Variants in STIL observed in about 807,000 individuals in gnomAD.
The protein encoded by STIL is STIL centriolar assembly protein.
Under a neutral mutation model 110.1 loss-of-function variants are expected in STIL, and 55 were observed. The ratio of observed to expected loss-of-function variants is 0.50; its 90% CI spans 0.40 to 0.63. STIL has a LOEUF of 0.63. Ranked by LOEUF, STIL falls within the 20% of genes least tolerant of loss-of-function variation. The pLI is 0.00. For synonymous variants in STIL, 481 were observed against 530.0 expected (o/e 0.91, Z 1.27); for missense variants, 1,358 against 1,530.0 (o/e 0.89, Z 1.87).
At position 47,260,417 on chromosome 1, in the gene STIL, T is replaced by C. The variant is rs766541847; in HGVS notation, c.2952A>G (p.Thr984=). The change falls in exon 16 of 17, where the codon ACA becomes ACG. Residue 984 remains threonine, a synonymous_variant. Coordinates refer to ENST00000371877, the MANE Select transcript of STIL (RefSeq NM_001048166.1). ...CTTTGTCCACCAGTCTTGAATGATGTGTTTTTTTCTTTGTATGGTAAACGT... is the reference window on the plus strand; with the variant it reads ...CTTTGTCCACCAGTCTTGAATGATGCGTTTTTTTCTTTGTATGGTAAACGT... ...TQNVYHTKKK[T]HHSRLVDKDC... 1 of 1,614,234 alleles carries C rather than the reference T, an allele frequency of 6.2e-7. No individual in the cohort carries two copies. Among genetic ancestry groups the C allele is most frequent in the Non-Finnish European group, 8.5e-7 (1 of 1,180,036 alleles).
intron 14 of STIL, among the ~76,000 whole-genome samples, chr1:47,265,637 C>T (rs189174545): frequency 4.6e-5 from 7 of 151,916 alleles, no homozygotes; most frequent in East Asian, 1.9e-4. Flanking sequence ...AAAACTTAGC[C>T]GGGCATAGTG....
Position 47,310,320 on chromosome 1 carries a change from G to C in STIL, c.-1C>G, listed in dbSNP as rs796462906. On this transcript the variant is annotated 5_prime_UTR_variant, in exon 2 of 17. The change creates a new upstream start codon in the 5' untranslated region. Transcript: ENST00000371877. ...GTGCAAAAGGATATATAGGCTCCAT[G>C]ATGTCTGGTGAATGATTTCTTTAAT... 2 of 1,612,588 alleles carry C rather than the reference G, an allele frequency of 1.2e-6. No homozygotes were observed. The highest frequency in any genetic ancestry group is 2.7e-5 in the African/African-American group (2 of 75,020).
Position 47,250,947 on chromosome 1 carries a change from C to G in STIL, c.*189G>C, listed in dbSNP as rs1644166836. ...AAGGTTTCAGTGATGTTGAACAGCTCTATTTGAACAATGAGAACTTAGTCC... is the reference window on the plus strand; with the variant it reads ...AAGGTTTCAGTGATGTTGAACAGCTGTATTTGAACAATGAGAACTTAGTCC... On this transcript the variant is annotated 3_prime_UTR_variant, in exon 17 of 17. Transcript: ENST00000371877. 1.7e-6 allele frequency: 1 copy of G among 596,128 alleles called. No individual in the cohort carries two copies. The highest frequency in any genetic ancestry group is 2.9e-6 in the Non-Finnish European group (1 of 342,332). 36.9% of individuals were successfully genotyped at this position (596,128 alleles called of 1,614,324 possible). A position where few individuals can be genotyped will look rare whatever the true frequency, so the allele number is the denominator to read the frequency against.
Position 47,304,918 on chromosome 1 carries a change from A to G in STIL, c.123T>C (p.Asp41=). 1 of 1,613,810 alleles carries G rather than the reference A, an allele frequency of 6.2e-7. No individual in the cohort carries two copies. Among genetic ancestry groups the G allele is most frequent in the Non-Finnish European group, 8.5e-7 (1 of 1,179,724 alleles). ...AGTAACTGAGATGTAAGTAGATGAAATCTCCAGTTGGCGTTGGGTTCCAAA... is the reference window on the plus strand; with the variant it reads ...AGTAACTGAGATGTAAGTAGATGAAGTCTCCAGTTGGCGTTGGGTTCCAAA... ...CALWNPTPTG[D]FIYLHLSYYR... Residue 41 remains aspartate (D), a synonymous_variant, in exon 3 of 17, where the codon GAT becomes GAC. Transcript: ENST00000371877.
chr1:47,252,159 T>C (rs913419608), intron 16 of STIL, among the ~76,000 whole-genome samples: 9 of 152,290 alleles, frequency 5.9e-5, no homozygotes, highest in South Asian at 2.1e-4. Flanking sequence ...GGTGGGAGGA[T>C]TGCTTGAAGC....
intron 16 of STIL, among the ~76,000 whole-genome samples, chr1:47,256,646 T>C (rs1455067200): frequency 2.1e-5 from 3 of 145,302 alleles, no homozygotes; most frequent in Non-Finnish European, 4.5e-5. Context: ...AAAATCTTGC[T>C]GAAAATGTGT....
At chr1:47,270,245 TATATATATATACACAC>T (rs1459551343) in intron 13 of STIL, among the ~76,000 whole-genome samples, 1 of 85,646 alleles carries the variant, frequency 1.2e-5, no homozygotes, top group African/African-American at 5.1e-5. Flanking sequence ...AAAAAAAATA[TATATATATATACACAC>T]ACACACACAC....
At position 47,304,952 on chromosome 1, in the gene STIL, T is replaced by C; in HGVS notation, c.89A>G (p.Lys30Arg). Residue 30 changes from lysine (K) to arginine (R), a missense_variant, in exon 3 of 17, where the codon AAA becomes AGA. Physicochemically the swap from Lys to Arg is conservative, Grantham distance 26. Coordinates refer to ENST00000371877, the MANE Select transcript of STIL (RefSeq NM_001048166.1). ...TGGCGTTGGGTTCCAAAGTGCACAT[T>C]TTGATGGAGGAAAGTGGAAAGGTAC... ...RMVPFHFPPS[K>R]CALWNPTPTG... is the part of the protein sequence containing the mutation. 1 of 1,614,082 alleles carries C rather than the reference T, an allele frequency of 6.2e-7. No individual in the cohort carries two copies. The highest frequency in any genetic ancestry group is 8.5e-7 in the Non-Finnish European group (1 of 1,179,982).
chr1:47,313,762 AT>A (rs1348072911), intron 1 of STIL, among the ~76,000 whole-genome samples: 7 of 152,244 alleles, frequency 4.6e-5, no homozygotes, highest in African/African-American at 7.2e-5. Flanking sequence ...AAGAGCGAGC[AT>A]TCAAGGTTTC....
rs1213471585 is a variant in STIL at position 47,263,055 on chromosome 1, G to A, written c.2677C>T (p.Leu893=). 6.2e-7 allele frequency: 1 copy of A among 1,614,176 alleles called. No homozygotes were observed. Among genetic ancestry groups the A allele is most frequent in the East Asian group, 2.2e-5 (1 of 44,876 alleles). ...AAACACATGCTTACACTTTCTGCCA[G>A]CTGGCCACTTGGAAAGAACACAGGT... is the stretch of plus-strand genomic sequence containing the variant. ...DVPVFFPSGQ[L]AESVSMCLQT... Residue 893 remains leucine, a synonymous_variant, in exon 15 of 17, where the codon CTG becomes TTG. Transcript: ENST00000371877.
rs149185431 is a variant in STIL, at chr1:47,282,457, G to A, written c.1136C>T (p.Ser379Phe). Residue 379 changes from serine (S) to phenylalanine (F), a missense_variant and splice_region_variant, in exon 11 of 17, where the codon TCT becomes TTT. Physicochemically the swap from Ser to Phe is radical, Grantham distance 155 (BLOSUM62 -2). Transcript: ENST00000371877. ...CTTCCCAGAAGATAACTTTTGGGAA[G>A]ACCTAAAGAATAGAAGGGGAGACCA... The part of the protein sequence containing the change: ...KASKNFSIKR[S>F]SQKLSSGKMP... 5,347 of 1,598,892 alleles carry A rather than the reference G, an allele frequency of 3.3e-3. 10 individuals carry two copies. The highest frequency in any genetic ancestry group is 4.2e-3 in the Non-Finnish European group (4,853 of 1,167,474).
At chr1:47,297,261 GA>G (rs1161823318) in intron 6 of STIL, among the ~76,000 whole-genome samples, 2 of 151,584 alleles carry the variant, frequency 1.3e-5, no homozygotes, top group Non-Finnish European at 2.9e-5. Context: ...AGAATCACTT[GA>G]ACCCAGGAGG....
chr1:47,295,834 T>C lies in STIL; in HGVS notation c.716A>G (p.Asp239Gly). The change falls in exon 7 of 17, where the codon GAT (aspartate) becomes GGT (glycine). Residue 239 changes from aspartate (D) to glycine (G), a missense_variant. Asp to Gly is a moderately conservative substitution (Grantham distance 94). Transcript: ENST00000371877. ...GTYKYGYLTM[D>G]ETRKLLLLLE... The stretch of plus-strand genomic sequence containing the variant: ...CAAAAGTAACAATTTGCGTGTTTCA[T>C]CCATGGTAAGATATCTAAACAGAAG... 1 of 1,612,132 alleles carries C rather than the reference T, an allele frequency of 6.2e-7. No individual in the cohort carries two copies. Among genetic ancestry groups the C allele is most frequent in the Non-Finnish European group, 8.5e-7 (1 of 1,178,538 alleles).
chr1:47,252,349 T>A (rs1339103515), intron 16 of STIL, among the ~76,000 whole-genome samples: 2 of 151,882 alleles, frequency 1.3e-5, no homozygotes, highest in Non-Finnish European at 2.9e-5. Flanking sequence ...GCCACTGCAC[T>A]CCAGCCTGGG....
At chr1:47,302,132 G>A in intron 4 of STIL, 102 bp downstream of exon 4, 1 of 825,918 alleles carries the variant, frequency 1.2e-6, no homozygotes, top group Admixed American at 1.9e-5. Flanking sequence ...TGTTATGCAA[G>A]CTGGTCTTAA....
At chr1:47,309,345 TG>T (rs1261555340) in intron 2 of STIL, among the ~76,000 whole-genome samples, 1 of 152,098 alleles carries the variant, frequency 6.6e-6, no homozygotes, top group Admixed American at 6.5e-5. Context: ...TTGCCCAGGC[TG>T]ATTTTGAACT....
intron 7 of STIL, among the ~76,000 whole-genome samples, chr1:47,294,412 C>A (rs1645582831): frequency 6.6e-6 from 1 of 152,228 alleles, no homozygotes; most frequent in African/African-American, 2.4e-5. Flanking sequence ...GTACTCAATA[C>A]TGAATGAATA....
chr1:47,269,891 C>T (rs747290053), intron 13 of STIL, 25 bp from the exon 14 acceptor site: 2 of 1,577,938 alleles, frequency 1.3e-6, no homozygotes, highest in Non-Finnish European at 1.7e-6. Flanking sequence ...ATTTAAGATA[C>T]TGAAACAAAC....
chr1:47,258,419 T>C (rs1288869252), intron 16 of STIL, among the ~76,000 whole-genome samples: 1 of 152,200 alleles, frequency 6.6e-6, no homozygotes, highest in Non-Finnish European at 1.5e-5. Flanking sequence ...ATAAGAGATT[T>C]GGCCTAAAGG....
Sources: gnomAD v4.1 joint callset for allele counts (sites outside exome capture counted in the v4.1 genomes callset) on GRCh38, gnomAD v4.1.1 for gene constraint, MANE v1.5 for transcripts, NCBI Gene and HGNC (gene_info 2026-07-23, HGNC 2026-07-21) for gene names.